The following LRP1B variants were observed in gnomAD, a reference collection of about 807,000 sequenced individuals.
LRP1B encodes the protein LDL receptor related protein 1B, also known as low-density lipoprotein receptor-related protein 1B.
LRP1B carries 217 observed loss-of-function variants against 556.6 expected under a neutral mutation model. The ratio of observed to expected loss-of-function variants is 0.39; its 90% CI spans 0.35 to 0.44. The LOEUF is 0.44. LRP1B is among the 20% of genes least tolerant of loss of function. LRP1B has a pLI of 1.00. For synonymous variants in LRP1B, 2,047 were observed against 1,865.8 expected (o/e 1.10, Z -2.50); for missense variants, 5,053 against 5,620.8 (o/e 0.90, Z 3.23).
chr2:141,552,767 G>T lies in LRP1B; in HGVS notation c.206-72234C>A, dbSNP rs554707894. ...AAATGTGGTCTAGGATTCCTAATGT[G>T]TATTAAACCAATAAAAAAAATTCTA... On this transcript the variant is annotated intron_variant, in intron 2 of 90. Coordinates refer to ENST00000389484, the MANE Select transcript of LRP1B (RefSeq NM_018557.3). Among the ~76,000 whole-genome samples the T allele has an allele frequency of 2.4e-4, 36 of 151,410 alleles. No individual in the cohort carries two copies. In the South Asian group the frequency reaches 7.3e-3, roughly 31 times the overall value.
chr2:140,785,917 A>G (rs949351773), intron 32 of LRP1B, among the ~76,000 whole-genome samples: 2 of 152,136 alleles, frequency 1.3e-5, no homozygotes, highest in Non-Finnish European at 2.9e-5. Context: ...CCCCAGTCTA[A>G]ATTGCCCACT....
At chr2:141,000,222 C>G (rs1697377370) in intron 15 of LRP1B, among the ~76,000 whole-genome samples, 1 of 151,988 alleles carries the variant, frequency 6.6e-6, no homozygotes, top group Non-Finnish European at 1.5e-5. Context: ...CTTGGCCAGA[C>G]AGGGCCATTT....
intron 7 of LRP1B, among the ~76,000 whole-genome samples, chr2:141,153,953 C>T (rs1347211537): frequency 6.6e-6 from 1 of 151,570 alleles, no homozygotes; most frequent in Non-Finnish European, 1.5e-5. Flanking sequence ...ATTTGTTGGT[C>T]CCATCAGTCT....
At chr2:141,184,502 G>T (rs546897214) in intron 7 of LRP1B, among the ~76,000 whole-genome samples, 1 of 151,444 alleles carries the variant, frequency 6.6e-6, no homozygotes, top group Non-Finnish European at 1.5e-5. Flanking sequence ...GAAACTGAAC[G>T]CACAGGCCTC....
intron 2 of LRP1B, among the ~76,000 whole-genome samples, chr2:141,788,305 G>T (rs1695491669): frequency 6.6e-6 from 1 of 151,988 alleles, no homozygotes; most frequent in South Asian, 2.1e-4. Context: ...AACCTGGGAA[G>T]ATTTTGTGAG....
chr2:140,861,065 C>CA (rs1285561215), intron 27 of LRP1B, among the ~76,000 whole-genome samples: 2 of 151,986 alleles, frequency 1.3e-5, no homozygotes, highest in African/African-American at 2.4e-5. Context: ...ATTTAACAAA[C>CA]ACTTTTAAAG....
intron 1 of LRP1B, among the ~76,000 whole-genome samples, chr2:142,066,704 AT>A (rs1375392784): frequency 6.6e-6 from 1 of 151,418 alleles, no homozygotes; most frequent in African/African-American, 2.4e-5. Context: ...ACAATCTAGT[AT>A]TTTTTATCAT....
In LRP1B at chr2:140,404,243, C is replaced by T. The variant is rs552705206; in HGVS notation, c.10415-18234G>A. Among the ~76,000 whole-genome samples the T allele has an allele frequency of 2.4e-4, 34 of 139,466 alleles. 2 individuals carry two copies. The highest frequency in any genetic ancestry group is 6.5e-4 in the African/African-American group (24 of 36,894). The allele number at this position is 139,466 out of a possible 152,430, so 91.5% of individuals were successfully genotyped here. A position where few individuals can be genotyped will look rare whatever the true frequency, so the allele number is the denominator to read the frequency against. ...AGGCTGGAGTGCAGTGGCGCTATCT[C>T]GGCTCGCTGCAATCTTTGCCTCCTG... On this transcript the variant is annotated intron_variant, in intron 66 of 90. Coordinates refer to ENST00000389484, the MANE Select transcript of LRP1B (RefSeq NM_018557.3).
Position 141,351,092 on chromosome 2 carries a change from G to A in LRP1B, c.344-96451C>T, listed in dbSNP as rs193163524. 2.5e-3 allele frequency among the ~76,000 whole-genome samples: 385 copies of A among 151,804 alleles called. 4 individuals carry two copies. The highest frequency in any genetic ancestry group is 8.5e-3 in the African/African-American group (352 of 41,368). On this transcript the variant is annotated intron_variant, in intron 3 of 90. Coordinates refer to ENST00000389484, the MANE Select transcript of LRP1B (RefSeq NM_018557.3). ...ATTTTTATGGCTACTTTCAGATATC[G>A]CCACACCAACATGCACATTTCATTA...
At chr2:140,888,227 G>T (rs893368219) in intron 23 of LRP1B, among the ~76,000 whole-genome samples, 2 of 151,928 alleles carry the variant, frequency 1.3e-5, no homozygotes, top group African/African-American at 4.8e-5. Context: ...AGAAAACAAA[G>T]AATGCCAACA....
chr2:141,579,639 T>A (rs756529894), intron 2 of LRP1B, among the ~76,000 whole-genome samples: 3 of 152,166 alleles, frequency 2.0e-5, no homozygotes, highest in Middle Eastern at 3.4e-3. Flanking sequence ...AAATTTGGTG[T>A]TGAATTTAGT....
At chr2:141,339,306 A>AAAAGC (rs1553499033) in intron 3 of LRP1B, among the ~76,000 whole-genome samples, 2 of 27,346 alleles carry the variant, frequency 7.3e-5, no homozygotes, top group African/African-American at 4.7e-4. Flanking sequence ...AACGCAAAAA[A>AAAAGC]AAAAAAAAGC....
intron 42 of LRP1B, among the ~76,000 whole-genome samples, chr2:140,600,856 G>C (rs1574128495): frequency 8.5e-6 from 1 of 117,978 alleles, no homozygotes; most frequent in African/African-American, 3.2e-5. Context: ...TTTATTCACT[G>C]AGTATATTTT....
At chr2:140,386,081 A>T (rs1683748788) in intron 66 of LRP1B, 72 bp from the exon 67 acceptor site, 1 of 883,538 alleles carries the variant, frequency 1.1e-6, no homozygotes, top group Non-Finnish European at 1.8e-6. Context: ...CCTCACTGCC[A>T]TGCCAAATCC....
chr2:140,755,222 T>C (rs1418404896), intron 35 of LRP1B, among the ~76,000 whole-genome samples: 1 of 152,060 alleles, frequency 6.6e-6, no homozygotes, highest in Non-Finnish European at 1.5e-5. Context: ...CTTTACTTGA[T>C]ATTTCTAGCA....
intron 86 of LRP1B, among the ~76,000 whole-genome samples, chr2:140,249,840 C>T (rs1243140227): frequency 1.3e-5 from 2 of 151,808 alleles, no homozygotes; most frequent in Admixed American, 6.6e-5. Context: ...TATAGCAATG[C>T]ATAAATCTTC....
chr2:141,526,804 T>C (rs1203260063), intron 2 of LRP1B, among the ~76,000 whole-genome samples: 1 of 152,138 alleles, frequency 6.6e-6, no homozygotes, highest in East Asian at 1.9e-4. Flanking sequence ...TGCTAGTCTC[T>C]ATTTTTCCTG....
intron 7 of LRP1B, among the ~76,000 whole-genome samples, chr2:141,133,527 T>C (rs947795376): frequency 5.3e-5 from 8 of 152,068 alleles, no homozygotes; most frequent in Non-Finnish European, 1.0e-4. Flanking sequence ...CATAAGTTTA[T>C]TGTGAAGATT....
At chr2:141,510,239 CCA>C (rs1456910759) in intron 2 of LRP1B, among the ~76,000 whole-genome samples, 9 of 149,572 alleles carry the variant, frequency 6.0e-5, no homozygotes, top group African/African-American at 2.2e-4. Flanking sequence ...CACACACCCC[CCA>C]CAGTCATTTG....
Sources: gnomAD v4.1 joint callset for allele counts (sites outside exome capture counted in the v4.1 genomes callset) on GRCh38, gnomAD v4.1.1 for gene constraint, MANE v1.5 for transcripts, NCBI Gene and HGNC (gene_info 2026-07-23, HGNC 2026-07-21) for gene names.